Variants in GALNT10 observed in about 807,000 individuals in gnomAD.
GALNT10 encodes polypeptide N-acetylgalactosaminyltransferase 10, also known as GalNAc transferase 10.
In GALNT10, 41 loss-of-function variants were observed where a neutral mutation model predicts 75.0. The ratio of observed to expected loss-of-function variants is 0.55; its 90% CI spans 0.43 to 0.71. The LOEUF (loss-of-function observed/expected upper bound fraction) is 0.71, where lower values mean the gene tolerates loss of function less well. GALNT10 is among the 30% of genes least tolerant of loss of function. GALNT10 has a pLI of 0.00. For missense variants in GALNT10, 727 were observed against 818.5 expected (o/e 0.89, Z 1.36); for synonymous variants, 302 against 313.0 (o/e 0.96, Z 0.37).
Position 154,417,977 on chromosome 5 carries a change from A to G in GALNT10, c.*1005A>G, listed in dbSNP as rs1252793444. ...CAAAGTGCCTGCCTCTGACCTCATC[A>G]TGGTTCTAGTTCTCATACAGAACTC... On this transcript the variant is annotated 3_prime_UTR_variant, in exon 12 of 12. Transcript: ENST00000297107. 6.6e-6 allele frequency: 1 copy of G among 152,182 alleles called. No individual in the cohort carries two copies. The highest frequency in any genetic ancestry group is 2.4e-5 in the African/African-American group (1 of 41,430). 9.4% of individuals were successfully genotyped at this position (152,182 alleles called of 1,614,324 possible).
intron 4 of GALNT10, among the ~76,000 whole-genome samples, chr5:154,348,953 A>G (rs1459801827): frequency 2.0e-5 from 3 of 152,114 alleles, no homozygotes; most frequent in African/African-American, 7.2e-5. Context: ...TGCCATTTCA[A>G]TTCAGCTGGA....
chr5:154,344,205 CT>C lies in GALNT10; in HGVS notation c.568+14470del, dbSNP rs1561666798. The stretch of plus-strand genomic sequence containing the variant: ...ACAAAATAAATTTCTTTCTTTCTTT[CT>C]TTCTTTTTTTTTTTTTTTTGAGACA... On this transcript the variant is annotated intron_variant, in intron 4 of 11. Transcript: ENST00000297107. Among the ~76,000 whole-genome samples, 3 of 99,434 alleles carry C rather than the reference CT, an allele frequency of 3.0e-5. No homozygotes were observed. The Admixed American group carries it at 3.9e-4, about 13-fold the overall frequency. The allele number at this position is 99,434 out of a possible 152,430, so 65.2% of individuals were successfully genotyped here.
chr5:154,326,995 G>A (rs902775047), intron 3 of GALNT10, among the ~76,000 whole-genome samples: 2 of 152,080 alleles, frequency 1.3e-5, no homozygotes, highest in African/African-American at 4.8e-5. Context: ...AACTCATAAT[G>A]TATTGTTTAA....
Position 154,263,803 on chromosome 5 carries a change from C to A in GALNT10, c.160-31013C>A, listed in dbSNP as rs1205380204. Among the ~76,000 whole-genome samples the A allele has an allele frequency of 2.0e-5, 3 of 152,160 alleles. No homozygotes were observed. In the East Asian group the frequency reaches 5.8e-4, roughly 29 times the overall value. On this transcript the variant is annotated intron_variant, in intron 1 of 11. Coordinates refer to ENST00000297107, the MANE Select transcript of GALNT10 (RefSeq NM_198321.4). Reference sequence around the variant, plus strand: ...TCCCAAAGGCCCTACCTCCTAATACCATTACCTTTGGATTTGAATTTCAAC... The same window carrying A: ...TCCCAAAGGCCCTACCTCCTAATACAATTACCTTTGGATTTGAATTTCAAC...
chr5:154,346,173 A>T (rs1319314134), intron 4 of GALNT10, among the ~76,000 whole-genome samples: 1 of 151,676 alleles, frequency 6.6e-6, no homozygotes, highest in African/African-American at 2.4e-5. Context: ...AGATAGATAC[A>T]CACACACCAC....
At chr5:154,404,250 G>A (rs1561684676) in intron 8 of GALNT10, 39 bp downstream of exon 8, 1 of 1,323,646 alleles carries the variant, frequency 7.6e-7, no homozygotes, top group South Asian at 1.4e-5. Flanking sequence ...GAAGGGGTTG[G>A]CCTAGGACCA....
At chr5:154,408,909 T>C (rs1179158264) in intron 8 of GALNT10, among the ~76,000 whole-genome samples, 1 of 152,008 alleles carries the variant, frequency 6.6e-6, no homozygotes, top group Non-Finnish European at 1.5e-5. Flanking sequence ...TGGATTCTGG[T>C]GTTAAAAGGC....
intron 1 of GALNT10, among the ~76,000 whole-genome samples, chr5:154,279,000 TTATGAACATTGGCC>T (rs1309404505): frequency 6.6e-6 from 1 of 152,238 alleles, no homozygotes; most frequent in Non-Finnish European, 1.5e-5. Context: ...AATGTGACTA[TTATGAACATTGGCC>T]TAGGAATGTC....
chr5:154,402,208 C>T lies in GALNT10; in HGVS notation c.1057-1896C>T, dbSNP rs116669015. 6.4e-3 allele frequency among the ~76,000 whole-genome samples: 982 copies of T among 152,338 alleles called. 10 individuals are homozygous for T. Among genetic ancestry groups the T allele is most frequent in the African/African-American group, 0.023 (942 of 41,578 alleles). ...GTGAGGGCCCTGCGGGAGCCCTGCCCGCGTCTCTGGCCTCCCCTCCCATCC... is the reference window on the plus strand; with the variant it reads ...GTGAGGGCCCTGCGGGAGCCCTGCCTGCGTCTCTGGCCTCCCCTCCCATCC... On this transcript the variant is annotated intron_variant, in intron 7 of 11. Coordinates refer to ENST00000297107, the MANE Select transcript of GALNT10 (RefSeq NM_198321.4). This position sits in a 1 kb window ranked among gnomAD's most constrained non-coding sequence, Gnocchi z 4.2.
intron 6 of GALNT10, among the ~76,000 whole-genome samples, chr5:154,385,617 A>G (rs1207789524): frequency 6.6e-6 from 1 of 152,046 alleles, no homozygotes; most frequent in African/African-American, 2.4e-5. Flanking sequence ...CACTACACCA[A>G]CATCTCCTGA....
At chr5:154,398,657 A>G (rs1218922650) in intron 7 of GALNT10, among the ~76,000 whole-genome samples, 1 of 152,194 alleles carries the variant, frequency 6.6e-6, no homozygotes, top group African/African-American at 2.4e-5. Context: ...CCCAATCCCC[A>G]CAACCACATG....
At position 154,418,580 on chromosome 5, in the gene GALNT10, T is replaced by C. The variant is rs1282394040; in HGVS notation, c.*1608T>C. On this transcript the variant is annotated 3_prime_UTR_variant, in exon 12 of 12. Transcript: ENST00000297107. ...TTGTGTCATTTACCAATTAAATAAC[T>C]GAGACCTAAGTCTGGGAACAGAGCC... 6.6e-6 allele frequency: 1 copy of C among 152,244 alleles called. No homozygotes were observed. Among genetic ancestry groups the C allele is most frequent in the Non-Finnish European group, 1.5e-5 (1 of 68,044 alleles). The allele number at this position is 152,244 out of a possible 1,614,324, so 9.4% of individuals were successfully genotyped here. A position where few individuals can be genotyped will look rare whatever the true frequency, so the allele number is the denominator to read the frequency against.
At chr5:154,279,922 G>A (rs1754014152) in intron 1 of GALNT10, among the ~76,000 whole-genome samples, 1 of 151,780 alleles carries the variant, frequency 6.6e-6, no homozygotes, top group Non-Finnish European at 1.5e-5. Flanking sequence ...CCCACTTCTG[G>A]GTATATATCC....
rs976868237 is a variant in GALNT10 at position 154,419,142 on chromosome 5, G to A, written c.*2170G>A. ...ACTGGATGAGTGTGTGTTTCTTAATGTCTCATTTCAAGCAGGAGATGTTGG... is the reference window on the plus strand; with the variant it reads ...ACTGGATGAGTGTGTGTTTCTTAATATCTCATTTCAAGCAGGAGATGTTGG... On this transcript the variant is annotated 3_prime_UTR_variant, in exon 12 of 12. Coordinates refer to ENST00000297107, the MANE Select transcript of GALNT10 (RefSeq NM_198321.4). The A allele has an allele frequency of 2.0e-5, 3 of 151,824 alleles. No individual in the cohort carries two copies. The highest frequency in any genetic ancestry group is 7.3e-5 in the African/African-American group (3 of 41,192). The allele number at this position is 151,824 out of a possible 1,614,324, so 9.4% of individuals were successfully genotyped here.
At chr5:154,218,181 C>T in intron 1 of GALNT10, 3 of 967,658 alleles carry the variant, frequency 3.1e-6, no homozygotes, top group Non-Finnish European at 3.7e-6. Flanking sequence ...AAGCCTGGGG[C>T]ACCTCCTCCC....
rs141946968 is a variant in GALNT10, at chr5:154,412,483, C to G, written c.1387-406C>G. Reference sequence around the variant, plus strand: ...TGACATACAGCAAAGGTTTCATGTCCTTTTCTAGGCGCTTTCAAGGTATGG... The same window carrying G: ...TGACATACAGCAAAGGTTTCATGTCGTTTTCTAGGCGCTTTCAAGGTATGG... On this transcript the variant is annotated intron_variant, in intron 9 of 11. Transcript: ENST00000297107. This position sits in a 1 kb window ranked among gnomAD's most constrained non-coding sequence, Gnocchi z 4.2. 112 of 221,662 alleles carry G rather than the reference C, an allele frequency of 5.1e-4. No homozygotes were observed. The highest frequency in any genetic ancestry group is 2.5e-3 in the African/African-American group (107 of 42,244). The allele number at this position is 221,662 out of a possible 1,614,324, so 13.7% of individuals were successfully genotyped here. A position where few individuals can be genotyped will look rare whatever the true frequency, so the allele number is the denominator to read the frequency against.
At chr5:154,406,859 C>T (rs1756292505) in intron 8 of GALNT10, among the ~76,000 whole-genome samples, 2 of 152,070 alleles carry the variant, frequency 1.3e-5, no homozygotes, top group South Asian at 4.1e-4. Context: ...AGCATTGTCC[C>T]CTAGATGATC....
At chr5:154,322,857 T>C (rs554422188) in intron 3 of GALNT10, among the ~76,000 whole-genome samples, 15 of 152,290 alleles carry the variant, frequency 9.8e-5, no homozygotes, top group Non-Finnish European at 2.1e-4. Flanking sequence ...AATCAAGAGA[T>C]ACGGAGACAA....
At chr5:154,332,867 G>T (rs763561898) in intron 4 of GALNT10, among the ~76,000 whole-genome samples, 1 of 152,194 alleles carries the variant, frequency 6.6e-6, no homozygotes, top group African/African-American at 2.4e-5. Flanking sequence ...GGTTGGGCTT[G>T]TAGCACTCAG....
Sources: allele counts gnomAD v4.1 joint callset (sites outside exome capture counted in the v4.1 genomes callset), GRCh38; gene constraint gnomAD v4.1.1; non-coding constraint Gnocchi (gnomAD v3.1); transcripts MANE v1.5; gene names NCBI Gene and HGNC (gene_info 2026-07-23, HGNC 2026-07-21).